The following ICMT variants were observed in gnomAD, a reference collection of about 807,000 sequenced individuals.
ICMT encodes the protein protein-S-isoprenylcysteine O-methyltransferase.
In ICMT, 10 loss-of-function variants were observed where a neutral mutation model predicts 32.2. That is an observed-to-expected ratio of 0.31 (90% CI 0.19 to 0.53). ICMT has a LOEUF of 0.53. ICMT is among the 20% of genes least tolerant of loss of function. ICMT has a pLI of 0.96. For missense variants in ICMT, 265 were observed against 356.9 expected, an observed-to-expected ratio of 0.74 and a Z score of 2.07; for synonymous variants, 183 against 158.2, an observed-to-expected ratio of 1.16 and a Z score of -1.18.
Position 6,225,115 on chromosome 1 carries a change from G to A in ICMT, c.820C>T (p.Leu274=), listed in dbSNP as rs1240783869. 1 of 1,613,964 alleles carries A rather than the reference G, an allele frequency of 6.2e-7. No individual in the cohort carries two copies. The highest frequency in any genetic ancestry group is 1.7e-5 in the Admixed American group (1 of 60,006). ...LEYKKRVPTG[L]PFIKGVKVDL ...ACCTTGACCCCCTTTATGAAAGGCA[G>A]GCCCGTGGGCACCCTCTTCTTATAC... The change falls in exon 5 of 5, where the codon CTG becomes TTG. Residue 274 remains leucine (L), a synonymous_variant. Transcript: ENST00000343813.
rs1668818802 is a variant in ICMT at position 6,235,866 on chromosome 1, G to A, written c.46C>T (p.Leu16Phe). 8.3e-7 allele frequency: 1 copy of A among 1,209,616 alleles called. No individual in the cohort carries two copies. Among genetic ancestry groups the A allele is most frequent in the Non-Finnish European group, 1.0e-6 (1 of 970,160 alleles). The allele number at this position is 1,209,616 out of a possible 1,614,324, so 74.9% of individuals were successfully genotyped here. A position where few individuals can be genotyped will look rare whatever the true frequency, so the allele number is the denominator to read the frequency against. ...ARAPPGSEARLSLATFLLGAS... is the reference protein window; with the variant it reads ...ARAPPGSEARFSLATFLLGAS... The stretch of plus-strand genomic sequence containing the variant: ...CCCAGCAGGAAGGTGGCGAGGCTGA[G>A]ACGCGCCTCAGAGCCCGGCGGAGCC... Residue 16 changes from leucine (L) to phenylalanine (F), a missense_variant, in exon 1 of 5, where the codon CTC (leucine) becomes TTC (phenylalanine). Leu to Phe is a conservative substitution (Grantham distance 22, BLOSUM62 0). Around this residue, in one of 2 missense-constraint regions of ICMT, gnomAD observed 99 missense variants for 92.6 expected, o/e 1.07. Coordinates refer to ENST00000343813, the MANE Select transcript of ICMT (RefSeq NM_012405.4).
At position 6,224,529 on chromosome 1, in the gene ICMT, A is replaced by T. The variant is rs1439297147; in HGVS notation, c.*551T>A. On this transcript the variant is annotated 3_prime_UTR_variant, in exon 5 of 5. Transcript: ENST00000343813. ...TAGGTATGTAGCTATGATTAAATAG[A>T]TGAAGGGCCAAAGCATCCTATGAGG... 2 of 152,558 alleles carry T rather than the reference A, an allele frequency of 1.3e-5. No homozygotes were observed. Among genetic ancestry groups the T allele is most frequent in the Admixed American group, 1.3e-4 (2 of 15,286 alleles). The allele number at this position is 152,558 out of a possible 1,614,324, so 9.5% of individuals were successfully genotyped here.
chr1:6,230,489 G>A (rs1323908419), intron 4 of ICMT, among the ~76,000 whole-genome samples: 1 of 151,524 alleles, frequency 6.6e-6, no homozygotes, highest in Non-Finnish European at 1.5e-5. Context: ...GGGAGGCTGA[G>A]GTAGGAGGAT....
At position 6,235,951 on chromosome 1, in the gene ICMT, T is replaced by TAGCCCGGAGAAACGCGCCGACTGC; in HGVS notation, c.-41_-40insGCAGTCGGCGCGTTTCTCCGGGCT. 1 of 1,026,546 alleles carries TAGCCCGGAGAAACGCGCCGACTGC rather than the reference T, an allele frequency of 9.7e-7. No homozygotes were observed. The highest frequency in any genetic ancestry group is 1.2e-6 in the Non-Finnish European group (1 of 842,388). The allele number at this position is 1,026,546 out of a possible 1,614,324, so 63.6% of individuals were successfully genotyped here. A position where few individuals can be genotyped will look rare whatever the true frequency, so the allele number is the denominator to read the frequency against. On this transcript the variant is annotated 5_prime_UTR_variant, in exon 1 of 5. Transcript: ENST00000343813. ...GACTAGCGGGCGGCGGCGCCGGCTG[T>TAGCCCGGAGAAACGCGCCGACTGC]AGCCCGGAGAAACGCGCCGGCTGCG... is the stretch of plus-strand genomic sequence containing the variant.
chr1:6,224,827 G>T lies in ICMT; in HGVS notation c.*253C>A, dbSNP rs539828718. ...CCCAGGTAACTCTGGAGGGCGCTGT[G>T]GAATATTGCTGTGATTTGCCCCTTA... On this transcript the variant is annotated 3_prime_UTR_variant, in exon 5 of 5. Coordinates refer to ENST00000343813, the MANE Select transcript of ICMT (RefSeq NM_012405.4). 10 of 448,978 alleles carry T rather than the reference G, an allele frequency of 2.2e-5. No individual in the cohort carries two copies. The highest frequency in any genetic ancestry group is 4.0e-5 in the Admixed American group (1 of 25,052). The allele number at this position is 448,978 out of a possible 1,614,324, so 27.8% of individuals were successfully genotyped here. A position where few individuals can be genotyped will look rare whatever the true frequency, so the allele number is the denominator to read the frequency against.
intron 4 of ICMT, 38 bp downstream of exon 4, chr1:6,231,858 TAAAAAA>T: frequency 1.9e-6 from 2 of 1,036,078 alleles, no homozygotes; most frequent in Non-Finnish European, 2.7e-6. Context: ...AAATGTTACT[TAAAAAA>T]AAAAAAAAGA....
chr1:6,227,224 G>A (rs1015028081), intron 4 of ICMT, among the ~76,000 whole-genome samples: 2 of 152,208 alleles, frequency 1.3e-5, no homozygotes, highest in Admixed American at 6.5e-5. Context: ...TTTGGTTCTA[G>A]TGCACACACA....
At position 6,225,006 on chromosome 1, in the gene ICMT, G is replaced by C. The variant is rs914419580; in HGVS notation, c.*74C>G. 7.8e-7 allele frequency: 1 copy of C among 1,275,450 alleles called. No homozygotes were observed. Among genetic ancestry groups the C allele is most frequent in the African/African-American group, 1.5e-5 (1 of 66,910 alleles). The allele number at this position is 1,275,450 out of a possible 1,614,324, so 79.0% of individuals were successfully genotyped here. On this transcript the variant is annotated 3_prime_UTR_variant, in exon 5 of 5. Coordinates refer to ENST00000343813, the MANE Select transcript of ICMT (RefSeq NM_012405.4). ...AACGATTAAGAAAATCCATGTGGCAGCGGCCAACCGGAAACAGTTTTGTCC... is the reference window on the plus strand; with the variant it reads ...AACGATTAAGAAAATCCATGTGGCACCGGCCAACCGGAAACAGTTTTGTCC...
intron 4 of ICMT, among the ~76,000 whole-genome samples, chr1:6,229,564 C>G (rs1402298034): frequency 1.3e-5 from 2 of 152,064 alleles, no homozygotes; most frequent in Non-Finnish European, 2.9e-5. Flanking sequence ...AAGGCTGAGG[C>G]AGGAGAATCA....
Position 6,224,827 on chromosome 1 carries a change from G to A in ICMT, c.*253C>T. ...CCCAGGTAACTCTGGAGGGCGCTGT[G>A]GAATATTGCTGTGATTTGCCCCTTA... On this transcript the variant is annotated 3_prime_UTR_variant, in exon 5 of 5. Coordinates refer to ENST00000343813, the MANE Select transcript of ICMT (RefSeq NM_012405.4). The A allele has an allele frequency of 2.2e-6, 1 of 448,978 alleles. No individual in the cohort carries two copies. Among genetic ancestry groups the A allele is most frequent in the Non-Finnish European group, 4.0e-6 (1 of 252,914 alleles). The allele number at this position is 448,978 out of a possible 1,614,324, so 27.8% of individuals were successfully genotyped here. A position where few individuals can be genotyped will look rare whatever the true frequency, so the allele number is the denominator to read the frequency against.
At position 6,235,964 on chromosome 1, in the gene ICMT, C is replaced by T. The variant is rs1307767537; in HGVS notation, c.-53G>A. On this transcript the variant is annotated 5_prime_UTR_variant, in exon 1 of 5. Coordinates refer to ENST00000343813, the MANE Select transcript of ICMT (RefSeq NM_012405.4). ...CGGCGCCGGCTGTAGCCCGGAGAAA[C>T]GCGCCGGCTGCGCCTGCGCACTGTG... 7 of 975,172 alleles carry T rather than the reference C, an allele frequency of 7.2e-6. No homozygotes were observed. The highest frequency in any genetic ancestry group is 9.7e-5 in the South Asian group (2 of 20,630). 60.4% of individuals were successfully genotyped at this position (975,172 alleles called of 1,614,324 possible). A position where few individuals can be genotyped will look rare whatever the true frequency, so the allele number is the denominator to read the frequency against.
At chr1:6,226,020 A>C (rs1005427992) in intron 4 of ICMT, among the ~76,000 whole-genome samples, 22 of 152,068 alleles carry the variant, frequency 1.4e-4, no homozygotes, top group African/African-American at 5.3e-4. Context: ...ACACCCAGCT[A>C]ATTTTTGTAT....
rs190403235 is a variant in ICMT, at chr1:6,231,831, C to T, written c.672+71G>A. 1.4e-3 allele frequency: 1,340 copies of T among 971,642 alleles called. 4 individuals carry two copies. Among genetic ancestry groups the T allele is most frequent in the Middle Eastern group, 2.9e-3 (13 of 4,544 alleles). 60.2% of individuals were successfully genotyped at this position (971,642 alleles called of 1,614,324 possible). A position where few individuals can be genotyped will look rare whatever the true frequency, so the allele number is the denominator to read the frequency against. On this transcript the variant is annotated intron_variant, in intron 4 of 4. Coordinates refer to ENST00000343813, the MANE Select transcript of ICMT (RefSeq NM_012405.4). ...TTTTGAAATGGTGACTTTTATGCTA[C>T]GTGAATATCACGTTTAAAATGTTAC...
rs1219008779 is a variant in ICMT at position 6,235,860 on chromosome 1, G to A, written c.52C>T (p.Leu18Phe). Residue 18 changes from leucine (L) to phenylalanine (F), a missense_variant, in exon 1 of 5, where the codon CTC becomes TTC. Physicochemically the swap from Leu to Phe is conservative, Grantham distance 22. Coordinates refer to ENST00000343813, the MANE Select transcript of ICMT (RefSeq NM_012405.4). ...GAGGCGCCCAGCAGGAAGGTGGCGA[G>A]GCTGAGACGCGCCTCAGAGCCCGGC... The part of the protein sequence containing the change: ...APPGSEARLS[L>F]ATFLLGASVL... The A allele has an allele frequency of 1.6e-6, 2 of 1,218,854 alleles. No homozygotes were observed. The highest frequency in any genetic ancestry group is 2.1e-6 in the Non-Finnish European group (2 of 974,974). The allele number at this position is 1,218,854 out of a possible 1,614,324, so 75.5% of individuals were successfully genotyped here.
In ICMT at chr1:6,229,393, G is replaced by A. The variant is rs577950402; in HGVS notation, c.672+2509C>T. ...CTCAGGAGGCTGAGGCAGGAGAATC[G>A]CTTGAACCCGGGAGGCAGAGGTTGC... On this transcript the variant is annotated intron_variant, in intron 4 of 4. Coordinates refer to ENST00000343813, the MANE Select transcript of ICMT (RefSeq NM_012405.4). 5.8e-4 allele frequency among the ~76,000 whole-genome samples: 88 copies of A among 150,608 alleles called. No individual in the cohort carries two copies. In the Middle Eastern group the frequency reaches 0.024, roughly 42 times the overall value.
chr1:6,235,652 A>ACGCGCCGCGCCAAGCGGACCGCCG, intron 1 of ICMT, 65 bp downstream of exon 1: 1 of 1,063,972 alleles, frequency 9.4e-7, no homozygotes. Flanking sequence ...AAAGGTGCCC[A>ACGCGCCGCGCCAAGCGGACCGCCG]CGCGCCGCGC....
intron 2 of ICMT, among the ~76,000 whole-genome samples, chr1:6,234,154 C>A (rs1185628307): frequency 6.6e-6 from 1 of 152,122 alleles, no homozygotes; most frequent in South Asian, 2.1e-4. Flanking sequence ...GGATTACAGG[C>A]GTGAGCCACC....
rs1668599604 is a variant in ICMT, at chr1:6,223,809, C to T, written c.*1271G>A. On this transcript the variant is annotated 3_prime_UTR_variant, in exon 5 of 5. Transcript: ENST00000343813. ...TGCTCTGGCCCCGCGCCGACGCCGC[C>T]TTCACATTCACACTTCTTCAGTGCC... The T allele has an allele frequency of 6.6e-6, 1 of 152,234 alleles. No individual in the cohort carries two copies. The allele number at this position is 152,234 out of a possible 1,614,324, so 9.4% of individuals were successfully genotyped here. A position where few individuals can be genotyped will look rare whatever the true frequency, so the allele number is the denominator to read the frequency against.
chr1:6,225,730 C>A (rs1668636173), intron 4 of ICMT, among the ~76,000 whole-genome samples: 1 of 152,138 alleles, frequency 6.6e-6, no homozygotes, highest in South Asian at 2.1e-4. Context: ...CCCCTTCCAG[C>A]AGATTACCTC....
Sources: gnomAD v4.1 joint callset for allele counts (sites outside exome capture counted in the v4.1 genomes callset) on GRCh38, gnomAD v4.1.1 for gene constraint, gnomAD v4.1.1 regional missense constraint, MANE v1.5 for transcripts, NCBI Gene and HGNC (gene_info 2026-07-23, HGNC 2026-07-21) for gene names.